FETUB: variants seen among roughly 807,000 people sequenced by gnomAD.
FETUB encodes the protein fetuin-B.
A neutral mutation model predicts 30.9 loss-of-function variants in FETUB; 28 were observed. The ratio of observed to expected loss-of-function variants is 0.90; its 90% CI spans 0.67 to 1.24. The LOEUF is 1.24. Among genes scored for constraint, FETUB ranks in the 50% most tolerant of loss-of-function variants. The probability of loss-of-function intolerance (pLI) is 0.00; values close to 1 mark genes in which losing one functional copy is unlikely to be tolerated. For synonymous variants in FETUB, 186 were observed against 175.9 expected (o/e 1.06, Z -0.45); for missense variants, 469 against 455.3 (o/e 1.03, Z -0.27).
intron 5 of FETUB, among the ~76,000 whole-genome samples, chr3:186,648,405 G>A (rs1362833151): frequency 6.6e-6 from 1 of 152,178 alleles, no homozygotes; most frequent in Non-Finnish European, 1.5e-5. Context: ...TTTGTAGTAA[G>A]TTTTGAGATT....
Position 186,651,229 on chromosome 3 carries a change from T to C in FETUB, c.708T>C (p.Leu236=). The change falls in exon 6 of 7, where the codon CTT becomes CTC. Residue 236 remains leucine (L), a synonymous_variant. Transcript: ENST00000265029. ...ATTTTCTCTTTTAGCCTGTTGGTCT[T>C]TGCAAAGGTTCTCTGACTCGAACAC... The part of the protein sequence containing the change: ...LQSSDSVPVG[L]CKGSLTRTHW... 1 of 1,612,402 alleles carries C rather than the reference T, an allele frequency of 6.2e-7. No homozygotes were observed. Among genetic ancestry groups the C allele is most frequent in the East Asian group, 2.2e-5 (1 of 44,876 alleles).
chr3:186,645,527 A>G (rs1218457429), intron 4 of FETUB, among the ~76,000 whole-genome samples: 1 of 151,962 alleles, frequency 6.6e-6, no homozygotes, highest in East Asian at 1.9e-4. Context: ...GGGTCTCACT[A>G]TGTTGCACAG....
intron 5 of FETUB, 160 bp from the exon 6 acceptor site, chr3:186,651,058 T>C: frequency 1.7e-6 from 1 of 585,178 alleles, no homozygotes; most frequent in East Asian, 2.9e-5. Context: ...GATGATTTCT[T>C]GGTAGGGGTG....
Position 186,644,761 on chromosome 3 carries a change from A to T in FETUB, c.435A>T (p.Lys145Asn). The change falls in exon 4 of 7, where the codon AAA (lysine) becomes AAT (asparagine). Residue 145 changes from lysine (K) to asparagine (N), a missense_variant. By Grantham distance (94) the Lys-to-Asn change is moderately conservative. Transcript: ENST00000265029. ...YNCTLRPVSK[K>N]KIYMTCPDCP... The stretch of plus-strand genomic sequence containing the variant: ...TATTGGCATCAACAGTTTCAAAAAA[A>T]AAGATTTACATGACGTGCCCTGACT... 1 of 1,589,604 alleles carries T rather than the reference A, an allele frequency of 6.3e-7. No homozygotes were observed. Among genetic ancestry groups the T allele is most frequent in the Non-Finnish European group, 8.5e-7 (1 of 1,173,504 alleles).
At chr3:186,637,782 G>A (rs112217059), upstream of FETUB, among the ~76,000 whole-genome samples, 150 of 152,366 alleles carry the variant, frequency 9.8e-4, 1 homozygote, top group African/African-American at 3.3e-3. Context: ...GTCTCTGGAC[G>A]TCCTGTGCAC....
intron 5 of FETUB, chr3:186,647,173 A>G (rs374103392): frequency 6.6e-6 from 1 of 152,204 alleles, no homozygotes; most frequent in African/African-American, 2.4e-5. Flanking sequence ...CTATAAATAA[A>G]TGTAGTTTTA....
rs1341217973 is a variant in FETUB at position 186,652,478 on chromosome 3, G to T, written c.996G>T (p.Thr332=). ...EAFPVHLDLT[T]NPQGETLDIS... is the part of the protein sequence containing the mutation. ...TTCCTGTGCATCTGGACCTAACCAC[G>T]AATCCCCAGGGAGAAACCCTGGATA... Residue 332 remains threonine (T), a synonymous_variant, in exon 7 of 7, where the codon ACG becomes ACT. Transcript: ENST00000265029. 7.4e-6 allele frequency: 12 copies of T among 1,614,036 alleles called. No individual in the cohort carries two copies. Among genetic ancestry groups the T allele is most frequent in the African/African-American group, 2.7e-5 (2 of 74,898 alleles).
rs902167539 is a variant in FETUB at position 186,642,141 on chromosome 3, A to G, written c.337-330A>G. 3 of 240,568 alleles carry G rather than the reference A, an allele frequency of 1.2e-5. No individual in the cohort carries two copies. In the East Asian group the frequency reaches 4.0e-4, roughly 32 times the overall value. 14.9% of individuals were successfully genotyped at this position (240,568 alleles called of 1,614,324 possible). A position where few individuals can be genotyped will look rare whatever the true frequency, so the allele number is the denominator to read the frequency against. The stretch of plus-strand genomic sequence containing the variant: ...CATCTGCATCAAGCTGTGCACAGAG[A>G]AAGAGCATAGAGGACAGTGAGAACG... On this transcript the variant is annotated intron_variant, in intron 2 of 6. Coordinates refer to ENST00000265029, the MANE Select transcript of FETUB (RefSeq NM_014375.3).
chr3:186,640,891 T>A, intron 1 of FETUB, 139 bp from the exon 2 acceptor site: 1 of 673,216 alleles, frequency 1.5e-6, no homozygotes, highest in Non-Finnish European at 2.6e-6. Context: ...ACTCTGACAC[T>A]TGTGTCAGAT....
upstream of FETUB, chr3:186,640,352 C>A: frequency 3.8e-6 from 3 of 786,684 alleles, no homozygotes; most frequent in Non-Finnish European, 6.5e-6. Context: ...ACTTGGTTAG[C>A]CCTTCCAGTT....
intron 6 of FETUB, 74 bp downstream of exon 6, chr3:186,651,375 C>A (rs1718023044): frequency 5.1e-6 from 5 of 988,606 alleles, no homozygotes; most frequent in African/African-American, 1.6e-5. Context: ...CACTACCTTA[C>A]CCCCTCCTTT....
In FETUB at chr3:186,641,105, T is replaced by C. The variant is rs201001948; in HGVS notation, c.301T>C (p.Trp101Arg). The C allele has an allele frequency of 6.1e-5, 98 of 1,613,690 alleles. No homozygotes were observed. The Admixed American group carries it at 1.6e-3, about 27-fold the overall frequency. The change falls in exon 2 of 7, where the codon TGG becomes CGG. Residue 101 changes from tryptophan to arginine, a missense_variant. Transcript: ENST00000265029. Reference protein sequence around the residue: ...TDCHVLRKKAWQDCGMRIFFE... With the variant: ...TDCHVLRKKARQDCGMRIFFE... ...CTGCCATGTGCTCAGAAAGAAGGCATGGCAAGACTGTGGAATGAGGATATT... is the reference window on the plus strand; with the variant it reads ...CTGCCATGTGCTCAGAAAGAAGGCACGGCAAGACTGTGGAATGAGGATATT...
At chr3:186,650,424 A>G (rs931200110) in intron 5 of FETUB, among the ~76,000 whole-genome samples, 1 of 152,174 alleles carries the variant, frequency 6.6e-6, no homozygotes, top group Non-Finnish European at 1.5e-5. Flanking sequence ...TATAGCTTCA[A>G]TGTTTAAACA....
intron 5 of FETUB, among the ~76,000 whole-genome samples, 196 bp from the exon 6 acceptor site, chr3:186,651,022 T>C (rs1266203972): frequency 6.6e-6 from 1 of 152,202 alleles, no homozygotes; most frequent in Non-Finnish European, 1.5e-5. Context: ...AGTTTCTCAT[T>C]ATTGGAGGCA....
intron 5 of FETUB, among the ~76,000 whole-genome samples, chr3:186,647,417 GT>G (rs1472545856): frequency 6.6e-6 from 1 of 152,070 alleles, no homozygotes; most frequent in African/African-American, 2.4e-5. Flanking sequence ...CTGCTATACT[GT>G]TTTCCACTGT....
chr3:186,651,518 C>A, intron 6 of FETUB: 1 of 531,036 alleles, frequency 1.9e-6, no homozygotes, highest in Non-Finnish European at 3.4e-6. Context: ...AAGACAAATT[C>A]AGAAACAGGG....
At chr3:186,652,135 G>A in intron 6 of FETUB, 128 bp from the exon 7 acceptor site, 1 of 1,029,318 alleles carries the variant, frequency 9.7e-7, no homozygotes, top group Non-Finnish European at 1.4e-6. Flanking sequence ...TTCACCAGGA[G>A]GCCCATCCCT....
intron 5 of FETUB, among the ~76,000 whole-genome samples, chr3:186,647,354 A>G (rs4686434): frequency 0.32 from 47,923 of 151,982 alleles, 8,502 homozygotes; most frequent in Non-Finnish European, 0.4. Context: ...CTCAGAGTGG[A>G]GTTTTTGTCA....
chr3:186,646,461 C>A lies in FETUB; in HGVS notation c.696+112C>A, dbSNP rs939457928. ...ATAAGGCATGAGATGCTTTTCTTCCCCTCAAGGAGCATCTGACTAGTTAGA... is the reference window on the plus strand; with the variant it reads ...ATAAGGCATGAGATGCTTTTCTTCCACTCAAGGAGCATCTGACTAGTTAGA... On this transcript the variant is annotated intron_variant, in intron 5 of 6. Transcript: ENST00000265029. 13 of 777,520 alleles carry A rather than the reference C, an allele frequency of 1.7e-5. No homozygotes were observed. The African/African-American group carries it at 2.2e-4, about 13-fold the overall frequency. The allele number at this position is 777,520 out of a possible 1,614,324, so 48.2% of individuals were successfully genotyped here. A position where few individuals can be genotyped will look rare whatever the true frequency, so the allele number is the denominator to read the frequency against.
Sources: gnomAD v4.1 joint callset for allele counts (sites outside exome capture counted in the v4.1 genomes callset) on GRCh38, gnomAD v4.1.1 for gene constraint, MANE v1.5 for transcripts, NCBI Gene and HGNC (gene_info 2026-07-23, HGNC 2026-07-21) for gene names.